The following NME9 variants were observed in gnomAD, a reference collection of about 807,000 sequenced individuals.
NME9 encodes thioredoxin domain-containing protein 6.
NME9 carries 48 observed loss-of-function variants against 44.4 expected under a neutral mutation model. The ratio of observed to expected loss-of-function variants is 1.08; its 90% confidence interval spans 0.86 to 1.37. The LOEUF is 1.37. Among genes scored for constraint, NME9 ranks in the 40% most tolerant of loss-of-function variants. The pLI is 0.00. For synonymous variants in NME9, 139 were observed against 147.1 expected, an observed-to-expected ratio of 0.94 and a Z score of 0.40; for missense variants, 325 against 405.2, an observed-to-expected ratio of 0.80 and a Z score of 1.70.
At chr3:138,322,003 A>G (rs1303185966) in intron 2 of NME9, among the ~76,000 whole-genome samples, 1 of 151,948 alleles carries the variant, frequency 6.6e-6, no homozygotes, top group Admixed American at 6.6e-5. Flanking sequence ...TTTGGGTTCC[A>G]CAGCATCCAC....
intron 6 of NME9, among the ~76,000 whole-genome samples, chr3:138,311,535 T>A (rs1205817635): frequency 6.6e-6 from 1 of 152,124 alleles, no homozygotes; most frequent in Non-Finnish European, 1.5e-5. Flanking sequence ...ATCAAAAAGA[T>A]CATTCACTAT....
At chr3:138,300,189 ATG>A (rs1340418544), downstream of NME9, among the ~76,000 whole-genome samples, 2 of 152,100 alleles carry the variant, frequency 1.3e-5, no homozygotes, top group Non-Finnish European at 2.9e-5. Flanking sequence ...CACTGTGGAC[ATG>A]TGTGTTTCCA....
intron 8 of NME9, chr3:138,272,845 C>T (rs2048922801): frequency 1.1e-5 from 10 of 890,532 alleles, no homozygotes; most frequent in Non-Finnish European, 1.6e-5. Flanking sequence ...GCACACCAGC[C>T]TGGGCGACAG....
intron 6 of NME9, among the ~76,000 whole-genome samples, chr3:138,307,258 A>C (rs2052340365): frequency 6.6e-6 from 1 of 152,220 alleles, no homozygotes; most frequent in Non-Finnish European, 1.5e-5. Context: ...TAGCTATGAC[A>C]ATGAGGGAGG....
intron 8 of NME9, among the ~76,000 whole-genome samples, chr3:138,280,302 T>C (rs957917415): frequency 4.0e-5 from 6 of 151,496 alleles, no homozygotes; most frequent in African/African-American, 1.2e-4. Context: ...TCATTGATTT[T>C]CCCACTTATT....
chr3:138,274,454 A>G, intron 8 of NME9: 1 of 1,584,914 alleles, frequency 6.3e-7, no homozygotes, highest in Non-Finnish European at 8.7e-7. Context: ...TACAGCATAT[A>G]GATAAAATAA....
intron 8 of NME9, among the ~76,000 whole-genome samples, chr3:138,281,920 T>C (rs764604059): frequency 3.9e-5 from 6 of 152,208 alleles, no homozygotes; most frequent in Admixed American, 1.3e-4. Flanking sequence ...TTCTTATTCA[T>C]AATAAGGATC....
downstream of NME9, chr3:138,296,167 C>A: frequency 2.8e-6 from 1 of 361,894 alleles, no homozygotes; most frequent in Non-Finnish European, 5.0e-6. Context: ...TCCTTTGGAC[C>A]TACAATTTTT....
At chr3:138,274,468 G>A (rs372624345) in intron 8 of NME9, 54 of 1,606,000 alleles carry the variant, frequency 3.4e-5, no homozygotes, top group Non-Finnish European at 4.4e-5. Flanking sequence ...AAAATAATGA[G>A]TACTCATGGA....
chr3:138,295,729 C>T (rs1577087714), intron 8 of NME9: 1 of 945,394 alleles, frequency 1.1e-6, no homozygotes. Context: ...AGGTGCCCAC[C>T]TGGGCTCACC....
rs140827343 is a variant in NME9 at position 138,316,927 on chromosome 3, G to T, written c.267+1221C>A. ...ACTGCACCCGGCCAAAAGTCTCTAC[G>T]TTTGTACTCACAAAGAAATGGATCT... On this transcript the variant is annotated intron_variant, in intron 4 of 10. Coordinates refer to ENST00000333911, the MANE Select transcript of NME9 (RefSeq NM_001349018.2). 1.1e-4 allele frequency among the ~76,000 whole-genome samples: 16 copies of T among 152,248 alleles called. 1 individual carries two copies. In the South Asian group the frequency reaches 1.5e-3, roughly 14 times the overall value.
intron 1 of NME9, among the ~76,000 whole-genome samples, chr3:138,326,067 T>G (rs1185805363): frequency 6.6e-6 from 1 of 152,256 alleles, no homozygotes; most frequent in Non-Finnish European, 1.5e-5. Flanking sequence ...GTCTTTCTCT[T>G]CTTTTCACAA....
chr3:138,315,290 G>A (rs889103337), intron 5 of NME9, among the ~76,000 whole-genome samples: 12 of 152,180 alleles, frequency 7.9e-5, no homozygotes, highest in Non-Finnish European at 1.5e-4. Context: ...GGTGGGAGAC[G>A]AAAGGGAAAT....
chr3:138,322,013 C>G (rs755869032), intron 2 of NME9, among the ~76,000 whole-genome samples: 8 of 151,764 alleles, frequency 5.3e-5, no homozygotes, highest in Middle Eastern at 6.8e-3. Flanking sequence ...ACAGCATCCA[C>G]GTAGAGGATA....
At chr3:138,295,962 T>G in intron 8 of NME9, 1 of 1,536,042 alleles carries the variant, frequency 6.5e-7, no homozygotes, top group Non-Finnish European at 8.9e-7. Context: ...CCAGCCTCAT[T>G]TGATTCCTTC....
At chr3:138,321,912 G>GTACCAACCAGAA (rs150064207) in intron 2 of NME9, among the ~76,000 whole-genome samples, 11,886 of 151,408 alleles carry the variant, frequency 0.079, 1,574 homozygotes, top group African/African-American at 0.27. Context: ...TGGGTTTTCA[G>GTACCAACCAGAA]TACCAACCAG....
intron 8 of NME9, among the ~76,000 whole-genome samples, chr3:138,283,992 A>G (rs2050170752): frequency 6.6e-6 from 1 of 152,336 alleles, no homozygotes; most frequent in Admixed American, 6.5e-5. Flanking sequence ...GAGGCCTAGG[A>G]AAGGGAGGCT....
At chr3:138,313,224 C>T (rs1294700674) in intron 6 of NME9, among the ~76,000 whole-genome samples, 6 of 152,136 alleles carry the variant, frequency 3.9e-5, no homozygotes, top group Non-Finnish European at 8.8e-5. Context: ...AATCCAGTCT[C>T]TACTAAAAAT....
intron 8 of NME9, among the ~76,000 whole-genome samples, chr3:138,285,005 C>T (rs1268794431): frequency 6.6e-6 from 1 of 152,242 alleles, no homozygotes; most frequent in Non-Finnish European, 1.5e-5. Context: ...TCAAAAAGCC[C>T]TCCACTTCTC....
Sources: allele counts gnomAD v4.1 joint callset (sites outside exome capture counted in the v4.1 genomes callset), GRCh38; gene constraint gnomAD v4.1.1; transcripts MANE v1.5; gene names NCBI Gene and HGNC (gene_info 2026-07-23, HGNC 2026-07-21).